The following POF1B variants were observed in gnomAD, a reference collection of about 807,000 sequenced individuals.
The protein encoded by POF1B is POF1B actin binding protein.
In POF1B, 53 loss-of-function variants were observed where a neutral mutation model predicts 55.3. The ratio of observed to expected loss-of-function variants is 0.96; its 90% CI spans 0.77 to 1.20. The LOEUF (loss-of-function observed/expected upper bound fraction) is 1.20, where lower values mean the gene tolerates loss of function less well. Ranked by LOEUF, POF1B falls within the 50% of genes most tolerant of loss-of-function variation. The probability of loss-of-function intolerance (pLI) is 0.00; values close to 1 mark genes in which losing one functional copy is unlikely to be tolerated. For synonymous variants in POF1B, 188 were observed against 148.3 expected (o/e 1.27, Z -1.95); for missense variants, 478 against 420.5 (o/e 1.14, Z -1.20).
chrX:85,303,180 T>A (rs1443778836), intron 15 of POF1B, among the ~76,000 whole-genome samples: 1 of 111,375 alleles, frequency 9.0e-6, no homozygotes, highest in Non-Finnish European at 1.9e-5. Flanking sequence ...TATTTGTTTT[T>A]CACTTCCAAG....
chrX:85,290,512 T>C (rs1408603854), intron 15 of POF1B, among the ~76,000 whole-genome samples: 1 of 111,518 alleles, frequency 9.0e-6, no homozygotes, highest in Non-Finnish European at 1.9e-5. Flanking sequence ...CTCGTAGTTC[T>C]TTGAGGAATC....
chrX:85,312,187 C>G (rs1289424511), intron 9 of POF1B, among the ~76,000 whole-genome samples: 1 of 111,644 alleles, frequency 9.0e-6, no homozygotes, highest in African/African-American at 3.3e-5. Context: ...TAATTAGATC[C>G]CATTTGTCAA....
intron 3 of POF1B, among the ~76,000 whole-genome samples, chrX:85,362,883 T>G (rs937580724): frequency 9.0e-6 from 1 of 111,233 alleles, no homozygotes; most frequent in Admixed American, 9.6e-5. Flanking sequence ...CCTGGGCTTT[T>G]TTTGGTTGTT....
chrX:85,311,926 A>C (rs1252983206), intron 9 of POF1B, among the ~76,000 whole-genome samples: 1 of 112,300 alleles, frequency 8.9e-6, no homozygotes, highest in Admixed American at 9.4e-5. Context: ...TCTAATGACC[A>C]GTGATGATGA....
At chrX:85,319,879 C>T (rs938519513) in intron 7 of POF1B, among the ~76,000 whole-genome samples, 1 of 111,436 alleles carries the variant, frequency 9.0e-6, no homozygotes, top group Non-Finnish European at 1.9e-5. Context: ...TGATGCTGGT[C>T]TTATAGAATG....
chrX:85,379,348 G>A lies in POF1B; in HGVS notation c.107C>T (p.Ser36Leu). 7 of 1,210,263 alleles carry A rather than the reference G, an allele frequency of 5.8e-6. No homozygotes were observed. Among genetic ancestry groups the A allele is most frequent in the Non-Finnish European group, 7.8e-6 (7 of 895,129 alleles). Residue 36 changes from serine (S) to leucine (L), a missense_variant, in exon 2 of 17, where the codon TCA (serine) becomes TTA (leucine). Coordinates refer to ENST00000262753, the MANE Select transcript of POF1B (RefSeq NM_024921.4). ...TTCTGGAGGCTGCTGGGCTTGGCTT[G>A]ACTGATGGTAGCAGTGGTAATGCTG... is the stretch of plus-strand genomic sequence containing the variant. ...QPQHYHCYHQSSQAQQPPEKN... is the reference protein window; with the variant it reads ...QPQHYHCYHQLSQAQQPPEKN...
intron 2 of POF1B, among the ~76,000 whole-genome samples, chrX:85,368,179 G>T (rs1449469964): frequency 1.8e-5 from 2 of 111,636 alleles, no homozygotes; most frequent in African/African-American, 3.2e-5. Context: ...GTGCAGTTTT[G>T]TTACATGGAT....
intron 15 of POF1B, among the ~76,000 whole-genome samples, chrX:85,285,468 G>A (rs866411268): frequency 7.2e-5 from 8 of 110,925 alleles, no homozygotes; most frequent in Admixed American, 1.9e-4. Context: ...ATACTATGCA[G>A]CCATAAAAAA....
intron 15 of POF1B, among the ~76,000 whole-genome samples, chrX:85,299,642 C>A (rs762693267): frequency 3.5e-4 from 35 of 100,023 alleles, no homozygotes; most frequent in Non-Finnish European, 6.2e-4. Flanking sequence ...GTAGCTGGGA[C>A]TACAGGTGCC....
At chrX:85,286,996 A>G (rs1932068347) in intron 15 of POF1B, among the ~76,000 whole-genome samples, 1 of 111,639 alleles carries the variant, frequency 9.0e-6, no homozygotes, top group Non-Finnish European at 1.9e-5. Context: ...AAATCTAAAA[A>G]ACCTGTAGAT....
chrX:85,289,431 A>G (rs1356738837), intron 15 of POF1B, among the ~76,000 whole-genome samples: 2 of 111,978 alleles, frequency 1.8e-5, no homozygotes, highest in Non-Finnish European at 3.8e-5. Context: ...ATGTGCAATC[A>G]CGGAGGGAGT....
rs76123916 is a variant in POF1B at position 85,314,445 on chromosome X, C to T, written c.944G>A (p.Arg315His). 54 of 1,194,378 alleles carry T rather than the reference C, an allele frequency of 4.5e-5. No individual in the cohort carries two copies. The highest frequency in any genetic ancestry group is 5.4e-5 in the Non-Finnish European group (48 of 887,177). The change falls in exon 9 of 17, where the codon CGC becomes CAC. Residue 315 changes from arginine (R) to histidine (H), a missense_variant. Transcript: ENST00000262753. ...GLSEFTKQQI[R>H]YILQMRGMSD... ...ACCCCAACTCACCTGCAGAATGTAG[C>T]GTATTTGCTGTTTTGTAAACTCTGA...
chrX:85,322,285 T>C (rs1269981225), intron 7 of POF1B, among the ~76,000 whole-genome samples: 4 of 110,594 alleles, frequency 3.6e-5, no homozygotes, highest in South Asian at 3.9e-4. Context: ...TCAGAAATAA[T>C]GCCACATATC....
intron 6 of POF1B, among the ~76,000 whole-genome samples, chrX:85,345,138 G>A (rs749990648): frequency 2.5e-4 from 28 of 110,532 alleles, no homozygotes; most frequent in Non-Finnish European, 7.6e-5. Context: ...GAGGTCAATT[G>A]GAGATCTAGA....
chrX:85,281,834 A>C (rs1306869269), intron 16 of POF1B, among the ~76,000 whole-genome samples: 1 of 109,774 alleles, frequency 9.1e-6, no homozygotes, highest in Non-Finnish European at 1.9e-5. Context: ...TGCCTTCATA[A>C]TTGTCTATGA....
chrX:85,324,893 C>T (rs1337506554), intron 7 of POF1B, among the ~76,000 whole-genome samples: 1 of 111,812 alleles, frequency 8.9e-6, no homozygotes, highest in East Asian at 2.8e-4. Context: ...TTGGTGGTAC[C>T]AAATTCCCTA....
chrX:85,371,225 T>C (rs1933814515), intron 2 of POF1B, among the ~76,000 whole-genome samples: 1 of 111,818 alleles, frequency 8.9e-6, no homozygotes, highest in Admixed American at 9.5e-5. Context: ...GATTAGAGGA[T>C]CTTTAAGTTT....
At chrX:85,311,222 C>A (rs1181253681) in intron 9 of POF1B, among the ~76,000 whole-genome samples, 1 of 110,935 alleles carries the variant, frequency 9.0e-6, no homozygotes, top group Non-Finnish European at 1.9e-5. Context: ...TTTTATTATA[C>A]TTTAAGTTCT....
At chrX:85,320,980 C>T (rs1239434961) in intron 7 of POF1B, among the ~76,000 whole-genome samples, 7 of 109,107 alleles carry the variant, frequency 6.4e-5, no homozygotes, top group African/African-American at 2.3e-4. Context: ...AGTCCAGGAC[C>T]AGATGGATTC....
Sources: gnomAD v4.1 joint callset for allele counts (sites outside exome capture counted in the v4.1 genomes callset) on GRCh38, gnomAD v4.1.1 for gene constraint, MANE v1.5 for transcripts, NCBI Gene and HGNC (gene_info 2026-07-23, HGNC 2026-07-21) for gene names.